The following IBA57 variants were observed in gnomAD, a reference collection of about 807,000 sequenced individuals.
IBA57 encodes the protein iron-sulfur cluster assembly factor IBA57.
IBA57 carries 20 observed loss-of-function variants against 20.4 expected under a neutral mutation model. That is an observed-to-expected ratio of 0.98 (90% CI 0.69 to 1.42). The LOEUF is 1.42. Ranked by LOEUF, IBA57 falls within the 40% of genes most tolerant of loss-of-function variation. IBA57 has a pLI of 0.00. For missense variants in IBA57, 608 were observed against 499.3 expected (o/e 1.22, Z -2.07); for synonymous variants, 310 against 233.9 (o/e 1.33, Z -2.97).
intron 1 of IBA57, among the ~76,000 whole-genome samples, chr1:228,167,355 CTTTTT>C (rs56835417): frequency 4.9e-5 from 6 of 123,620 alleles, no homozygotes; most frequent in Admixed American, 8.1e-5. Context: ...TCTGGGGCTT[CTTTTT>C]TTTTTTTTTT....
In IBA57 at chr1:228,174,997, T is replaced by C. The variant is rs2034989662; in HGVS notation, c.647T>C (p.Leu216Ser). 6.5e-7 allele frequency: 1 copy of C among 1,548,804 alleles called. No homozygotes were observed. Among genetic ancestry groups the C allele is most frequent in the East Asian group, 2.3e-5 (1 of 44,128 alleles). ...GTGCCCGGGGGCCGGCTCGGGGACT[T>C]GTGGGATTATCACCAGCACCGATAC... Reference protein sequence around the residue: ...ALVPGGRLGDLWDYHQHRYLQ... With the variant: ...ALVPGGRLGDSWDYHQHRYLQ... The change falls in exon 2 of 3, where the codon TTG becomes TCG. Residue 216 changes from leucine to serine, a missense_variant. Coordinates refer to ENST00000366711, the MANE Select transcript of IBA57 (RefSeq NM_001010867.4).
rs934274894 is a variant in IBA57 at position 228,170,079 on chromosome 1, C to T, written c.341+3922C>T. 6.6e-6 allele frequency among the ~76,000 whole-genome samples: 1 copy of T among 152,160 alleles called. No individual in the cohort carries two copies. Among genetic ancestry groups the T allele is most frequent in the Non-Finnish European group, 1.5e-5 (1 of 68,040 alleles). On this transcript the variant is annotated intron_variant, in intron 1 of 2. Coordinates refer to ENST00000366711, the MANE Select transcript of IBA57 (RefSeq NM_001010867.4). The surrounding 1 kb of genome is among the most constrained non-coding windows in gnomAD (Gnocchi z 4.8). ...AGAGACGGGGTTTCACCATGTTGGT[C>T]AGGCTGGTCTCGAACTACTGACCTC...
chr1:228,169,406 C>T (rs976891640), intron 1 of IBA57, among the ~76,000 whole-genome samples: 1 of 152,136 alleles, frequency 6.6e-6, no homozygotes, highest in Non-Finnish European at 1.5e-5. Flanking sequence ...TGGTTGTTGT[C>T]TTTTAATAGG....
In IBA57 at chr1:228,177,643, C is replaced by T. The variant is rs1443083555; in HGVS notation, c.*2130C>T. Reference sequence around the variant, plus strand: ...TAGCTGGGACTACAGGCACATGCCCCATGCCCGGCTAATTTTTGTATTTTT... The same window carrying T: ...TAGCTGGGACTACAGGCACATGCCCTATGCCCGGCTAATTTTTGTATTTTT... On this transcript the variant is annotated 3_prime_UTR_variant, in exon 3 of 3. Transcript: ENST00000366711. 6.6e-6 allele frequency: 1 copy of T among 152,102 alleles called. No homozygotes were observed. The highest frequency in any genetic ancestry group is 1.5e-5 in the Non-Finnish European group (1 of 68,060). The allele number at this position is 152,102 out of a possible 1,614,324, so 9.4% of individuals were successfully genotyped here.
At position 228,170,023 on chromosome 1, in the gene IBA57, C is replaced by T. The variant is rs982049221; in HGVS notation, c.341+3866C>T. The stretch of plus-strand genomic sequence containing the variant: ...CTGGGATTACAGGCATGCACCACCA[C>T]GCCCAGCTAATTTTTGTATCTTTTT... On this transcript the variant is annotated intron_variant, in intron 1 of 2. Coordinates refer to ENST00000366711, the MANE Select transcript of IBA57 (RefSeq NM_001010867.4). The surrounding 1 kb of genome is among the most constrained non-coding windows in gnomAD (Gnocchi z 4.8). Among the ~76,000 whole-genome samples, 2 of 152,070 alleles carry T rather than the reference C, an allele frequency of 1.3e-5. No homozygotes were observed. Among genetic ancestry groups the T allele is most frequent in the African/African-American group, 2.4e-5 (1 of 41,404 alleles).
At chr1:228,168,885 AC>A (rs2034888202) in intron 1 of IBA57, among the ~76,000 whole-genome samples, 1 of 150,824 alleles carries the variant, frequency 6.6e-6, no homozygotes, top group African/African-American at 2.4e-5. Flanking sequence ...AATACTTGAA[AC>A]CCTCTAGCTT....
In IBA57 at chr1:228,177,907, A is replaced by T. The variant is rs1296449236; in HGVS notation, c.*2394A>T. 6.6e-6 allele frequency: 1 copy of T among 152,224 alleles called. No homozygotes were observed. Among genetic ancestry groups the T allele is most frequent in the African/African-American group, 2.4e-5 (1 of 41,458 alleles). The allele number at this position is 152,224 out of a possible 1,614,324, so 9.4% of individuals were successfully genotyped here. ...TCGGCAGGGTCAGAGCTTTGTGTTC[A>T]GGAACACTGGGATCTGCTGAGAGCT... On this transcript the variant is annotated 3_prime_UTR_variant, in exon 3 of 3. Coordinates refer to ENST00000366711, the MANE Select transcript of IBA57 (RefSeq NM_001010867.4).
Position 228,175,258 on chromosome 1 carries a change from G to A in IBA57, c.816G>A (p.Met272Ile). 1 of 1,612,846 alleles carries A rather than the reference G, an allele frequency of 6.2e-7. No homozygotes were observed. The highest frequency in any genetic ancestry group is 1.7e-5 in the Admixed American group (1 of 60,020). The change falls in exon 3 of 3, where the codon ATG (methionine) becomes ATA (isoleucine). Residue 272 changes from methionine to isoleucine, a missense_variant. Coordinates refer to ENST00000366711, the MANE Select transcript of IBA57 (RefSeq NM_001010867.4). ...AGCTGACGGCCCGCACCCACCACAT[G>A]GGCGTCATCCGCAAGCGCCTCTTCC... ...GQELTARTHH[M>I]GVIRKRLFPV...
At position 228,166,065 on chromosome 1, in the gene IBA57, T is replaced by G. The variant is rs2034846424; in HGVS notation, c.249T>G (p.Pro83=). 1 of 1,537,774 alleles carries G rather than the reference T, an allele frequency of 6.5e-7. No individual in the cohort carries two copies. The highest frequency in any genetic ancestry group is 8.7e-7 in the Non-Finnish European group (1 of 1,145,732). Residue 83 remains proline, a synonymous_variant, in exon 1 of 3, where the codon CCT becomes CCG. Coordinates refer to ENST00000366711, the MANE Select transcript of IBA57 (RefSeq NM_001010867.4). ...CCAATGAACTGCCGCTTCCGAGTCC[T>G]GCGGCCGCGGGGGCCCCGCCTGCTG... The part of the protein sequence containing the change: ...LLTNELPLPS[P]AAAGAPPAAR...
chr1:228,165,869 TCTGGCGCTGGCGG>T lies in IBA57; in HGVS notation c.57_69del (p.Trp19CysfsTer49), dbSNP rs1558122958. Reference sequence around the variant, plus strand: ...GCCACTCCGGGGCGCGGCGGCCCGGTCTGGCGCTGGCGGCTGCGCGCGGCCCCAAGGTGCCGCC... The same window carrying T: ...GCCACTCCGGGGCGCGGCGGCCCGGTCTGCGCGCGGCCCCAAGGTGCCGCC... On this transcript the variant is annotated frameshift_variant, in exon 1 of 3. Coordinates refer to ENST00000366711, the MANE Select transcript of IBA57 (RefSeq NM_001010867.4). LOFTEE classifies it high-confidence loss of function. 20 of 1,325,302 alleles carry T rather than the reference TCTGGCGCTGGCGG, an allele frequency of 1.5e-5. No homozygotes were observed. Among genetic ancestry groups the T allele is most frequent in the Non-Finnish European group, 1.7e-5 (18 of 1,044,454 alleles). The allele number at this position is 1,325,302 out of a possible 1,614,324, so 82.1% of individuals were successfully genotyped here. A position where few individuals can be genotyped will look rare whatever the true frequency, so the allele number is the denominator to read the frequency against.
chr1:228,172,333 G>A (rs1443492776), intron 1 of IBA57: 4 of 152,136 alleles, frequency 2.6e-5, no homozygotes, highest in Admixed American at 6.5e-5. Flanking sequence ...AGGCCCACGC[G>A]GCTTCCTGCT....
In IBA57 at chr1:228,174,926, A is replaced by C. The variant is rs999731004; in HGVS notation, c.576A>C (p.Ala192=). 1 of 1,589,318 alleles carries C rather than the reference A, an allele frequency of 6.3e-7. No individual in the cohort carries two copies. ...TCCTCATCCGCGACCCGCGAACAGC[A>C]CGCATGGGGTGGCGGCTCCTCACCC... The part of the protein sequence containing the change: ...AAILIRDPRT[A]RMGWRLLTQD... Residue 192 remains alanine (A), a synonymous_variant, in exon 2 of 3, where the codon GCA becomes GCC. Transcript: ENST00000366711.
In IBA57 at chr1:228,181,095, T is replaced by A. The variant is rs902423947; in HGVS notation, c.*5582T>A. On this transcript the variant is annotated 3_prime_UTR_variant, in exon 3 of 3. Coordinates refer to ENST00000366711, the MANE Select transcript of IBA57 (RefSeq NM_001010867.4). ...AGAGATGGGGCCTGTAAGAGGTGAT[T>A]AGGCTGTGAGGGCTCCACTCTCCAA... The A allele has an allele frequency of 6.6e-6, 1 of 152,226 alleles. No individual in the cohort carries two copies. 9.4% of individuals were successfully genotyped at this position (152,226 alleles called of 1,614,324 possible).
chr1:228,173,738 C>T (rs926782410), intron 1 of IBA57, among the ~76,000 whole-genome samples: 5 of 152,202 alleles, frequency 3.3e-5, no homozygotes, highest in African/African-American at 1.2e-4. Flanking sequence ...GCACACCGTT[C>T]CCCTGCGGGG....
At position 228,165,866 on chromosome 1, in the gene IBA57, C is replaced by T; in HGVS notation, c.50C>T (p.Pro17Leu). Residue 17 changes from proline to leucine, a missense_variant, in exon 1 of 3, where the codon CCG becomes CTG. Pro to Leu is a moderately conservative substitution (Grantham distance 98, BLOSUM62 -3). Transcript: ENST00000366711. ...LRGATPGRGG[P>L]VWRWRLRAAP... ...GGCGCCACTCCGGGGCGCGGCGGCCCGGTCTGGCGCTGGCGGCTGCGCGCG... is the reference window on the plus strand; with the variant it reads ...GGCGCCACTCCGGGGCGCGGCGGCCTGGTCTGGCGCTGGCGGCTGCGCGCG... The T allele has an allele frequency of 1.5e-6, 2 of 1,314,066 alleles. No homozygotes were observed. Among genetic ancestry groups the T allele is most frequent in the South Asian group, 2.2e-5 (1 of 45,152 alleles). 81.4% of individuals were successfully genotyped at this position (1,314,066 alleles called of 1,614,324 possible).
In IBA57 at chr1:228,179,531, AAG is replaced by A. The variant is rs1415034897; in HGVS notation, c.*4022_*4023del. On this transcript the variant is annotated 3_prime_UTR_variant, in exon 3 of 3. Transcript: ENST00000366711. ...TACGAGTAATTCCAGAAGGAGGGGA[AAG>A]AGAATATGGGGTGGAGGCAAGTATT... 3 of 152,162 alleles carry A rather than the reference AAG, an allele frequency of 2.0e-5. No individual in the cohort carries two copies. Among genetic ancestry groups the A allele is most frequent in the Non-Finnish European group, 4.4e-5 (3 of 68,040 alleles). 9.4% of individuals were successfully genotyped at this position (152,162 alleles called of 1,614,324 possible).
intron 1 of IBA57, among the ~76,000 whole-genome samples, chr1:228,167,222 C>T (rs973196362): frequency 1.3e-5 from 2 of 152,192 alleles, no homozygotes; most frequent in Non-Finnish European, 2.9e-5. Flanking sequence ...TCTCTGGGCA[C>T]TTAGTGGGCT....
Position 228,166,027 on chromosome 1 carries a change from C to G in IBA57, c.211C>G (p.Leu71Val). ...VRGPDAAPFL[L>V]GLLTNELPLP... ...TGGCCCCGACGCGGCGCCCTTCCTG[C>G]TAGGGCTGCTGACCAATGAACTGCC... The change falls in exon 1 of 3, where the codon CTA (leucine) becomes GTA (valine). Residue 71 changes from leucine (L) to valine (V), a missense_variant. Coordinates refer to ENST00000366711, the MANE Select transcript of IBA57 (RefSeq NM_001010867.4). 3.3e-6 allele frequency: 5 copies of G among 1,536,948 alleles called. No homozygotes were observed. The highest frequency in any genetic ancestry group is 1.2e-5 in the South Asian group (1 of 83,450).
chr1:228,181,199 T>G lies in IBA57; in HGVS notation c.*5686T>G, dbSNP rs1335708423. On this transcript the variant is annotated 3_prime_UTR_variant, in exon 3 of 3. Transcript: ENST00000366711. ...CCCTCCAGTGTTCAAAGCACCATCTTGGAGGTGGAATTCCCAAGTCGGCCA... is the reference window on the plus strand; with the variant it reads ...CCCTCCAGTGTTCAAAGCACCATCTGGGAGGTGGAATTCCCAAGTCGGCCA... The G allele has an allele frequency of 6.6e-5, 10 of 152,226 alleles. No homozygotes were observed. 9.4% of individuals were successfully genotyped at this position (152,226 alleles called of 1,614,324 possible).
Sources: gnomAD v4.1 joint callset for allele counts (sites outside exome capture counted in the v4.1 genomes callset) on GRCh38, gnomAD v4.1.1 for gene constraint, Gnocchi (gnomAD v3.1) non-coding constraint, MANE v1.5 for transcripts, NCBI Gene and HGNC (gene_info 2026-07-23, HGNC 2026-07-21) for gene names.